The following MACROD2 variants were observed in gnomAD, a reference collection of about 807,000 sequenced individuals.
MACROD2 encodes the protein mono-ADP ribosylhydrolase 2, also known as ADP-ribose glycohydrolase MACROD2.
MACROD2 carries 36 observed loss-of-function variants against 70.4 expected under a neutral mutation model. The observed-to-expected ratio is 0.51, with a 90% CI of 0.39 to 0.68. The LOEUF is 0.68. Among genes scored for constraint, MACROD2 ranks in the 30% least tolerant of loss-of-function variants. The pLI, the probability that MACROD2 is intolerant of heterozygous loss-of-function variation, is 0.00. For synonymous variants in MACROD2, 172 were observed against 178.8 expected, an observed-to-expected ratio of 0.96 and a Z score of 0.30; for missense variants, 496 against 538.4, an observed-to-expected ratio of 0.92 and a Z score of 0.78.
At chr20:14,968,330 T>G (rs1225400377) in intron 5 of MACROD2, among the ~76,000 whole-genome samples, 1 of 152,158 alleles carries the variant, frequency 6.6e-6, no homozygotes, top group Non-Finnish European at 1.5e-5. Flanking sequence ...TTCTCAGCCC[T>G]GTGTGGTCCT....
At chr20:15,497,911 A>G (rs1319138717) in intron 7 of MACROD2, among the ~76,000 whole-genome samples, 1 of 152,210 alleles carries the variant, frequency 6.6e-6, no homozygotes, top group East Asian at 1.9e-4. Context: ...ACTCATTAAA[A>G]GTATGACATA....
rs186097790 is a variant in MACROD2, at chr20:14,832,131, C to T, written c.418+147172C>T. Among the ~76,000 whole-genome samples the T allele has an allele frequency of 5.7e-3, 844 of 148,440 alleles. 9 individuals carry two copies. The highest frequency in any genetic ancestry group is 0.02 in the African/African-American group (797 of 40,070). Reference sequence around the variant, plus strand: ...GATCTCGGCTCACTGCAAGCTCTGCCTCCCGGGTTCACGCCATTCTCCTGC... The same window carrying T: ...GATCTCGGCTCACTGCAAGCTCTGCTTCCCGGGTTCACGCCATTCTCCTGC... On this transcript the variant is annotated intron_variant, in intron 5 of 17. Coordinates refer to ENST00000684519, the MANE Select transcript of MACROD2 (RefSeq NM_001351661.2).
At chr20:14,083,008 C>A (rs2054019305) in intron 2 of MACROD2, among the ~76,000 whole-genome samples, 1 of 148,132 alleles carries the variant, frequency 6.8e-6, no homozygotes, top group South Asian at 2.1e-4. Flanking sequence ...CACTGATAAG[C>A]AATAGTAATA....
At chr20:15,236,184 C>T (rs2077012488) in intron 6 of MACROD2, among the ~76,000 whole-genome samples, 1 of 152,204 alleles carries the variant, frequency 6.6e-6, no homozygotes, top group Non-Finnish European at 1.5e-5. Context: ...TAACTCAAGA[C>T]TTTTCCTTTC....
At chr20:15,185,776 C>T (rs1003009101) in intron 5 of MACROD2, among the ~76,000 whole-genome samples, 28 of 152,140 alleles carry the variant, frequency 1.8e-4, no homozygotes, top group Admixed American at 1.7e-3. Context: ...AGTTCAGAGT[C>T]GACTAATCTG....
intron 8 of MACROD2, among the ~76,000 whole-genome samples, chr20:15,744,385 A>G (rs1011517517): frequency 4.6e-5 from 7 of 152,214 alleles, no homozygotes; most frequent in Admixed American, 3.3e-4. Flanking sequence ...GAAATAGTTA[A>G]GTTGCCTAGT....
chr20:15,453,235 GAGAA>G lies in MACROD2; in HGVS notation c.571+21804_571+21807del, dbSNP rs1404951463. On this transcript the variant is annotated intron_variant, in intron 7 of 17. Coordinates refer to ENST00000684519, the MANE Select transcript of MACROD2 (RefSeq NM_001351661.2). The stretch of plus-strand genomic sequence containing the variant: ...TTCCCCTTTCTCTCTCTCTCTCCCT[GAGAA>G]AGATACATAATAACTTTCTAAACCT... 4.0e-5 allele frequency among the ~76,000 whole-genome samples: 6 copies of G among 149,764 alleles called. No homozygotes were observed. In the Admixed American group the frequency reaches 4.0e-4, roughly 10 times the overall value.
intron 5 of MACROD2, among the ~76,000 whole-genome samples, chr20:15,227,844 T>TC (rs2076923505): frequency 6.9e-6 from 1 of 145,476 alleles, no homozygotes; most frequent in Non-Finnish European, 1.5e-5. Flanking sequence ...TTTTTTTTTT[T>TC]TTTTTCAAAT....
intron 3 of MACROD2, among the ~76,000 whole-genome samples, chr20:14,377,549 T>C (rs1568584726): frequency 6.6e-6 from 1 of 152,232 alleles, no homozygotes; most frequent in Non-Finnish European, 1.5e-5. Context: ...AAATACAATT[T>C]CTGTAGAAGA....
At chr20:14,106,950 A>G (rs2054377715) in intron 3 of MACROD2, among the ~76,000 whole-genome samples, 1 of 152,176 alleles carries the variant, frequency 6.6e-6, no homozygotes, top group Non-Finnish European at 1.5e-5. Context: ...CAGACTGTGA[A>G]GACTACAATA....
intron 5 of MACROD2, among the ~76,000 whole-genome samples, chr20:14,789,264 A>G (rs1355283374): frequency 1.3e-5 from 2 of 151,896 alleles, no homozygotes; most frequent in African/African-American, 4.8e-5. Flanking sequence ...TGTGTATGAT[A>G]TGCCTAAACT....
At chr20:14,824,400 T>C (rs2072879848) in intron 5 of MACROD2, among the ~76,000 whole-genome samples, 1 of 152,106 alleles carries the variant, frequency 6.6e-6, no homozygotes. Context: ...GCAACAATTA[T>C]TGATTTGCTC....
chr20:15,676,028 T>C (rs2050052262), intron 8 of MACROD2, among the ~76,000 whole-genome samples: 1 of 152,244 alleles, frequency 6.6e-6, no homozygotes, highest in African/African-American at 2.4e-5. Flanking sequence ...CTACTACAGA[T>C]GTTATACAAT....
Position 14,388,014 on chromosome 20 carries a change from G to GTTT in MACROD2, c.272-105454_272-105452dup, listed in dbSNP as rs11474530. On this transcript the variant is annotated intron_variant, in intron 3 of 17. Coordinates refer to ENST00000684519, the MANE Select transcript of MACROD2 (RefSeq NM_001351661.2). ...TTATAGGTGACTTTTATGTAAGTAG[G>GTTT]TTTTTTTTTTTTTGAGACAGAGTCT... Among the ~76,000 whole-genome samples the GTTT allele has an allele frequency of 2.7e-3, 389 of 142,446 alleles. 3 individuals are homozygous for GTTT. The highest frequency in any genetic ancestry group is 4.1e-3 in the Non-Finnish European group (274 of 66,088). 93.5% of individuals were successfully genotyped at this position (142,446 alleles called of 152,430 possible). A position where few individuals can be genotyped will look rare whatever the true frequency, so the allele number is the denominator to read the frequency against.
chr20:15,160,176 G>T (rs568257522), intron 5 of MACROD2, among the ~76,000 whole-genome samples: 50 of 152,036 alleles, frequency 3.3e-4, no homozygotes, highest in African/African-American at 1.1e-3. Context: ...GAAAAAGATG[G>T]GACGGTGACG....
chr20:14,469,017 T>C (rs1408701153), intron 3 of MACROD2, among the ~76,000 whole-genome samples: 2 of 152,170 alleles, frequency 1.3e-5, no homozygotes, highest in Admixed American at 1.3e-4. Flanking sequence ...AGTTTCTTCA[T>C]AGTATCGATG....
chr20:14,907,784 G>A (rs373501734), intron 5 of MACROD2, among the ~76,000 whole-genome samples: 2 of 152,262 alleles, frequency 1.3e-5, no homozygotes, highest in South Asian at 2.1e-4. Context: ...CATGTCCAAC[G>A]AAAGAGTTTA....
In MACROD2 at chr20:15,714,794, C is replaced by G. The variant is rs6034273; in HGVS notation, c.646-147951C>G. Among the ~76,000 whole-genome samples, 713 of 151,744 alleles carry G rather than the reference C, an allele frequency of 4.7e-3. 6 individuals are homozygous for G. Among genetic ancestry groups the G allele is most frequent in the African/African-American group, 0.017 (686 of 41,220 alleles). Reference sequence around the variant, plus strand: ...AATATGTGCCATATACTTTTTTATTCCTACTAATAAATATGCATATATAAA... The same window carrying G: ...AATATGTGCCATATACTTTTTTATTGCTACTAATAAATATGCATATATAAA... On this transcript the variant is annotated intron_variant, in intron 8 of 17. Coordinates refer to ENST00000684519, the MANE Select transcript of MACROD2 (RefSeq NM_001351661.2).
At chr20:15,947,604 T>G (rs756046584) in intron 12 of MACROD2, among the ~76,000 whole-genome samples, 11 of 152,306 alleles carry the variant, frequency 7.2e-5, no homozygotes, top group South Asian at 4.1e-4. Flanking sequence ...GAGTTTCTTA[T>G]GTCTTCCCTT....
Sources: gnomAD v4.1 joint callset for allele counts (sites outside exome capture counted in the v4.1 genomes callset) on GRCh38, gnomAD v4.1.1 for gene constraint, MANE v1.5 for transcripts, NCBI Gene and HGNC (gene_info 2026-07-23, HGNC 2026-07-21) for gene names.